The following FBXW8 variants were observed in gnomAD, a reference collection of about 807,000 sequenced individuals.
The protein encoded by FBXW8 is F-box and WD repeat domain containing 8.
FBXW8 carries 57 observed loss-of-function variants against 65.3 expected under a neutral mutation model. The observed-to-expected ratio is 0.87, with a 90% CI of 0.71 to 1.09. The LOEUF (loss-of-function observed/expected upper bound fraction) is 1.09. Ranked by LOEUF, FBXW8 falls within the 50% of genes least tolerant of loss-of-function variation. The probability of loss-of-function intolerance (pLI) is 0.00; values close to 1 mark genes in which losing one functional copy is unlikely to be tolerated. For synonymous variants in FBXW8, 308 were observed against 330.2 expected, an observed-to-expected ratio of 0.93 and a Z score of 0.73; for missense variants, 777 against 814.8, an observed-to-expected ratio of 0.95 and a Z score of 0.57.
At chr12:116,995,209 G>A (rs1953346978) in intron 7 of FBXW8, among the ~76,000 whole-genome samples, 1 of 152,356 alleles carries the variant, frequency 6.6e-6, no homozygotes, top group South Asian at 2.1e-4. Context: ...AAGATCGGCA[G>A]CGTACGCGGA....
At chr12:116,976,386 T>TAA (rs35871383) in intron 5 of FBXW8, among the ~76,000 whole-genome samples, 3 of 133,632 alleles carry the variant, frequency 2.2e-5, no homozygotes, top group East Asian at 2.1e-4. Context: ...CCCTTTTCTT[T>TAA]AAAAAAAAAA....
chr12:117,004,100 CTCTG>C (rs745991543), intron 7 of FBXW8, among the ~76,000 whole-genome samples: 6 of 152,314 alleles, frequency 3.9e-5, no homozygotes, highest in African/African-American at 7.2e-5. Flanking sequence ...TTTCCCATCT[CTCTG>C]TCTGTTGCAT....
At chr12:116,989,718 G>T (rs1953189092) in intron 7 of FBXW8, among the ~76,000 whole-genome samples, 1 of 152,188 alleles carries the variant, frequency 6.6e-6, no homozygotes, top group African/African-American at 2.4e-5. Flanking sequence ...TTCATTTTGG[G>T]TTTTTTCCCA....
chr12:117,018,782 C>T (rs749640895), intron 8 of FBXW8, among the ~76,000 whole-genome samples: 33 of 152,166 alleles, frequency 2.2e-4, no homozygotes, highest in Non-Finnish European at 4.0e-4. Flanking sequence ...ATGCTGGTAT[C>T]TAAATACAAT....
chr12:116,937,665 C>G (rs1290372943), intron 2 of FBXW8, among the ~76,000 whole-genome samples: 3 of 152,094 alleles, frequency 2.0e-5, no homozygotes, highest in Non-Finnish European at 4.4e-5. Flanking sequence ...GCTAGTGGCT[C>G]AGGAGCAAGT....
At chr12:117,016,951 G>A (rs1378675747) in intron 8 of FBXW8, among the ~76,000 whole-genome samples, 1 of 152,200 alleles carries the variant, frequency 6.6e-6, no homozygotes, top group Non-Finnish European at 1.5e-5. Flanking sequence ...GTAACTTTGA[G>A]GGGTTATTCC....
At chr12:116,960,506 T>C (rs922436085) in intron 4 of FBXW8, among the ~76,000 whole-genome samples, 2 of 152,212 alleles carry the variant, frequency 1.3e-5, no homozygotes, top group African/African-American at 4.8e-5. Flanking sequence ...TTTAAATAGA[T>C]ATATGGAAAA....
chr12:116,978,236 A>G (rs1001208408), intron 5 of FBXW8: 2 of 152,000 alleles, frequency 1.3e-5, no homozygotes, highest in Admixed American at 6.6e-5. Flanking sequence ...GTTCTTTATG[A>G]CCCTTGTCTA....
intron 2 of FBXW8, among the ~76,000 whole-genome samples, chr12:116,937,053 A>C (rs1882213972): frequency 6.6e-6 from 1 of 152,118 alleles, no homozygotes; most frequent in South Asian, 2.1e-4. Context: ...CCAGGATGGC[A>C]CCAGCAGAAG....
chr12:116,976,450 C>CTTT (rs35364851), intron 5 of FBXW8, among the ~76,000 whole-genome samples: 133 of 64,618 alleles, frequency 2.1e-3, no homozygotes, highest in Middle Eastern at 0.013. Context: ...CCAAAGGATC[C>CTTT]TTTTTTTTTT....
At position 117,026,419 on chromosome 12, in the gene FBXW8, T is replaced by C. The variant is rs373312054; in HGVS notation, c.1542-975T>C. Among the ~76,000 whole-genome samples the C allele has an allele frequency of 4.0e-4, 47 of 116,666 alleles. 1 individual carries two copies. The highest frequency in any genetic ancestry group is 8.8e-4 in the African/African-American group (26 of 29,494). 76.5% of individuals were successfully genotyped at this position (116,666 alleles called of 152,430 possible). ...GGCCTCCACCAAGCCTGCCCTCCCT[T>C]CCCGGGTCTTTCTCATCCTCCAGGT... On this transcript the variant is annotated intron_variant, in intron 9 of 10. Transcript: ENST00000652555.
At chr12:117,026,292 C>G (rs1208213987) in intron 9 of FBXW8, among the ~76,000 whole-genome samples, 1 of 145,986 alleles carries the variant, frequency 6.8e-6, no homozygotes, top group African/African-American at 2.7e-5. Context: ...GTCCTCCAGG[C>G]TGCAGGCCTC....
intron 5 of FBXW8, among the ~76,000 whole-genome samples, chr12:116,965,376 A>G (rs1042695339): frequency 9.2e-5 from 14 of 152,332 alleles, no homozygotes; most frequent in Middle Eastern, 3.4e-3. Flanking sequence ...CTTTTTGTAC[A>G]TGAACAACTA....
chr12:116,993,985 G>T (rs753298263), intron 7 of FBXW8, among the ~76,000 whole-genome samples: 1 of 152,094 alleles, frequency 6.6e-6, no homozygotes, highest in Non-Finnish European at 1.5e-5. Context: ...TGAATTGGGT[G>T]TCCCGTCCTC....
Position 116,945,443 on chromosome 12 carries a change from A to T in FBXW8, c.503A>T (p.Asp168Val). 1 of 1,614,154 alleles carries T rather than the reference A, an allele frequency of 6.2e-7. No homozygotes were observed. Among genetic ancestry groups the T allele is most frequent in the African/African-American group, 1.3e-5 (1 of 75,052 alleles). Residue 168 changes from aspartate to valine, a missense_variant, in exon 3 of 11, where the codon GAT (aspartate) becomes GTT (valine). Coordinates refer to ENST00000652555, the MANE Select transcript of FBXW8 (RefSeq NM_153348.3). ...RLCQQEGHLP[D>V]SSISDYSCWK... ...TGCCAGCAGGAAGGGCACCTTCCGG[A>T]TAGCAGCATCTCTGACTATTCTTGC...
intron 5 of FBXW8, among the ~76,000 whole-genome samples, chr12:116,976,935 G>A (rs1461588542): frequency 6.6e-6 from 1 of 152,184 alleles, no homozygotes; most frequent in East Asian, 1.9e-4. Flanking sequence ...TGGTCTGGAA[G>A]GCAGGTGGCC....
intron 4 of FBXW8, chr12:116,950,624 G>A (rs1883211939): frequency 6.6e-6 from 1 of 152,132 alleles, no homozygotes; most frequent in Non-Finnish European, 1.5e-5. Flanking sequence ...GGCATGCAGT[G>A]CCTATGAAAA....
chr12:116,977,435 A>G (rs1224983524), intron 5 of FBXW8: 1 of 152,216 alleles, frequency 6.6e-6, no homozygotes, highest in African/African-American at 2.4e-5. Flanking sequence ...TAGCCTTTCA[A>G]ATGGTTATTC....
In FBXW8 at chr12:117,024,199, C is replaced by T. The variant is rs778584640; in HGVS notation, c.1420C>T (p.His474Tyr). Reference protein sequence around the residue: ...SGNIALSLSAHQLRVSAVQMD... With the variant: ...SGNIALSLSAYQLRVSAVQMD... ...TAACATCGCCCTGTCGCTCTCCGCC[C>T]ATCAGCTCAGGGTCTCTGCTGTGCA... Residue 474 changes from histidine (H) to tyrosine (Y), a missense_variant, in exon 9 of 11, where the codon CAT becomes TAT. Coordinates refer to ENST00000652555, the MANE Select transcript of FBXW8 (RefSeq NM_153348.3). 100 of 1,614,098 alleles carry T rather than the reference C, an allele frequency of 6.2e-5. No homozygotes were observed. The highest frequency in any genetic ancestry group is 6.8e-5 in the Non-Finnish European group (80 of 1,180,050).
Sources: allele counts gnomAD v4.1 joint callset (sites outside exome capture counted in the v4.1 genomes callset), GRCh38; gene constraint gnomAD v4.1.1; transcripts MANE v1.5; gene names NCBI Gene and HGNC (gene_info 2026-07-23, HGNC 2026-07-21).